Variants in BTBD9 observed in about 807,000 individuals in gnomAD.
BTBD9 encodes the protein BTB domain containing 9, also known as BTB/POZ domain-containing protein 9.
BTBD9 carries 49 observed loss-of-function variants against 64.3 expected under a neutral mutation model. That is an observed-to-expected ratio of 0.76 (90% CI 0.61 to 0.97). BTBD9 has a LOEUF of 0.97. BTBD9 is among the 50% of genes least tolerant of loss of function. BTBD9 has a pLI of 0.00. For synonymous variants in BTBD9, 260 were observed against 274.7 expected, an observed-to-expected ratio of 0.95 and a Z score of 0.53; for missense variants, 598 against 762.1, an observed-to-expected ratio of 0.78 and a Z score of 2.53.
chr6:38,382,119 T>C (rs919273218), intron 6 of BTBD9, among the ~76,000 whole-genome samples: 9 of 152,052 alleles, frequency 5.9e-5, no homozygotes, highest in Non-Finnish European at 1.0e-4. Flanking sequence ...GAAGGCTTGG[T>C]GAAGAAGGAA....
chr6:38,202,055 T>C (rs910871973), intron 9 of BTBD9, among the ~76,000 whole-genome samples: 2 of 150,306 alleles, frequency 1.3e-5, no homozygotes, highest in African/African-American at 4.9e-5. Flanking sequence ...CCATCAAAAA[T>C]ACCAAAAATC....
chr6:38,482,401 C>T (rs2127382058), intron 6 of BTBD9: 1 of 149,480 alleles, frequency 6.7e-6, no homozygotes, highest in South Asian at 2.1e-4. Context: ...TGAGGTGATC[C>T]TTTCTCTTTC....
chr6:38,378,086 C>T (rs1370822910), intron 6 of BTBD9, among the ~76,000 whole-genome samples: 3 of 152,082 alleles, frequency 2.0e-5, no homozygotes, highest in Admixed American at 6.5e-5. Flanking sequence ...TGGCTCCGCC[C>T]CGTCCTCCCA....
chr6:38,253,229 A>G (rs952188419), intron 9 of BTBD9, among the ~76,000 whole-genome samples: 6 of 152,252 alleles, frequency 3.9e-5, no homozygotes, highest in African/African-American at 1.4e-4. Flanking sequence ...CTGATAAACA[A>G]AGAGCTTTAA....
At chr6:38,278,894 G>A (rs904444742) in intron 8 of BTBD9, among the ~76,000 whole-genome samples, 4 of 152,172 alleles carry the variant, frequency 2.6e-5, no homozygotes, top group African/African-American at 9.7e-5. Flanking sequence ...AGTCTTAAGG[G>A]CAGCAAGGAA....
At chr6:38,526,610 A>G (rs573837359) in intron 6 of BTBD9, among the ~76,000 whole-genome samples, 5 of 152,328 alleles carry the variant, frequency 3.3e-5, no homozygotes, top group Non-Finnish European at 7.4e-5. Context: ...CCCATGAAGG[A>G]GCTGTCCAAG....
intron 6 of BTBD9, among the ~76,000 whole-genome samples, chr6:38,463,414 C>T (rs1311580343): frequency 6.6e-6 from 1 of 152,202 alleles, no homozygotes; most frequent in Non-Finnish European, 1.5e-5. Flanking sequence ...CAGTACAACG[C>T]TAAATGGAAG....
chr6:38,319,408 C>A (rs1430948595), intron 7 of BTBD9, among the ~76,000 whole-genome samples: 3 of 152,066 alleles, frequency 2.0e-5, no homozygotes, highest in Admixed American at 2.0e-4. Flanking sequence ...CACCCAAAGC[C>A]AGCATGTCTT....
At chr6:38,297,975 G>A (rs964855930) in intron 7 of BTBD9, among the ~76,000 whole-genome samples, 3 of 151,030 alleles carry the variant, frequency 2.0e-5, no homozygotes, top group African/African-American at 4.9e-5. Flanking sequence ...CAAGTAGCTC[G>A]GAATACAGGT....
chr6:38,180,655 G>C (rs1288156916), intron 10 of BTBD9, among the ~76,000 whole-genome samples: 1 of 152,212 alleles, frequency 6.6e-6, no homozygotes, highest in African/African-American at 2.4e-5. Context: ...ATGTGGCTGA[G>C]ACACACTGGG....
At chr6:38,274,422 T>C (rs1275562630) in intron 8 of BTBD9, among the ~76,000 whole-genome samples, 3 of 152,036 alleles carry the variant, frequency 2.0e-5, no homozygotes, top group Non-Finnish European at 4.4e-5. Context: ...CTATGTTGAA[T>C]AGGAGTGGTG....
chr6:38,265,500 CTTTTTTTT>C (rs369951977), intron 8 of BTBD9, among the ~76,000 whole-genome samples: 3 of 133,938 alleles, frequency 2.2e-5, no homozygotes. Flanking sequence ...AACTACCAAT[CTTTTTTTT>C]TTTTTTTTTT....
intron 6 of BTBD9, among the ~76,000 whole-genome samples, chr6:38,437,136 A>C (rs558084716): frequency 1.1e-4 from 16 of 152,338 alleles, no homozygotes; most frequent in African/African-American, 3.8e-4. Context: ...TGAATACATA[A>C]ATACAGAGTC....
intron 6 of BTBD9, chr6:38,402,827 G>A: frequency 1.4e-6 from 1 of 701,044 alleles, no homozygotes. Flanking sequence ...CTGCACTTTG[G>A]AAGGCCAAGG....
rs1317606424 is a variant in BTBD9, at chr6:38,465,755, ATGTATG to A, written c.1154+111839_1154+111844del. On this transcript the variant is annotated intron_variant, in intron 6 of 10. Coordinates refer to ENST00000481247, the MANE Select transcript of BTBD9 (RefSeq NM_001099272.2). The stretch of plus-strand genomic sequence containing the variant: ...TATATATATATATATATATATATAT[ATGTATG>A]TATGTATGTATTTCAGTTATTTATT... Among the ~76,000 whole-genome samples, 9 of 37,032 alleles carry A rather than the reference ATGTATG, an allele frequency of 2.4e-4. No individual in the cohort carries two copies. The East Asian group carries it at 0.027, about 112-fold the overall frequency. 24.3% of individuals were successfully genotyped at this position (37,032 alleles called of 152,430 possible). A position where few individuals can be genotyped will look rare whatever the true frequency, so the allele number is the denominator to read the frequency against.
intron 9 of BTBD9, among the ~76,000 whole-genome samples, chr6:38,200,855 A>G (rs1398777619): frequency 1.3e-5 from 2 of 152,076 alleles, no homozygotes; most frequent in East Asian, 3.9e-4. Context: ...ACTAATACCA[A>G]TCCTCTTCAA....
At chr6:38,475,280 T>G (rs566965990) in intron 6 of BTBD9, among the ~76,000 whole-genome samples, 1 of 152,200 alleles carries the variant, frequency 6.6e-6, no homozygotes, top group Non-Finnish European at 1.5e-5. Context: ...CAAATTTTCT[T>G]CAATAGTAAT....
In BTBD9 at chr6:38,306,797, C is replaced by T. The variant is rs545295772; in HGVS notation, c.1265-18336G>A. On this transcript the variant is annotated intron_variant, in intron 7 of 10. Transcript: ENST00000481247. The stretch of plus-strand genomic sequence containing the variant: ...ACTTTTGAGAGGTGGAGGAAAAAGA[C>T]CCACTTGAAGCAGATTTTGTAAAAG... Among the ~76,000 whole-genome samples, 9 of 152,272 alleles carry T rather than the reference C, an allele frequency of 5.9e-5. No individual in the cohort carries two copies. The South Asian group carries it at 1.9e-3, about 32-fold the overall frequency.
chr6:38,442,437 T>C (rs1465188930), intron 6 of BTBD9, among the ~76,000 whole-genome samples: 2 of 151,942 alleles, frequency 1.3e-5, no homozygotes, highest in Non-Finnish European at 2.9e-5. Context: ...GCCACTGCAT[T>C]CCAGCTTGGG....
Sources: allele counts gnomAD v4.1 joint callset (sites outside exome capture counted in the v4.1 genomes callset), GRCh38; gene constraint gnomAD v4.1.1; transcripts MANE v1.5; gene names NCBI Gene and HGNC (gene_info 2026-07-23, HGNC 2026-07-21).